RALYL: variants seen among roughly 807,000 people sequenced by gnomAD.
RALYL encodes RNA-binding Raly-like protein.
RALYL carries 29 observed loss-of-function variants against 35.1 expected under a neutral mutation model. The observed-to-expected ratio is 0.83, with a 90% CI of 0.61 to 1.13. The LOEUF (loss-of-function observed/expected upper bound fraction) is 1.13, where lower values mean the gene tolerates loss of function less well. RALYL is among the 50% of genes most tolerant of loss of function. The pLI, the probability that RALYL is intolerant of heterozygous loss-of-function variation, is 0.00. For synonymous variants in RALYL, 120 were observed against 127.6 expected (o/e 0.94, Z 0.40); for missense variants, 359 against 360.4 (o/e 1.00, Z 0.03).
chr8:84,222,363 A>G (rs78620675), intron 1 of RALYL, among the ~76,000 whole-genome samples: 2,825 of 152,262 alleles, frequency 0.019, 96 homozygotes, highest in African/African-American at 0.064. Context: ...TTATTTATGT[A>G]GAAATACATA....
intron 2 of RALYL, 110 bp from the exon 3 acceptor site, chr8:84,774,469 A>G (rs1010672494): frequency 2.8e-6 from 2 of 711,094 alleles, no homozygotes; most frequent in Admixed American, 2.6e-5. Context: ...TCAATGGTGT[A>G]CAATATTTGC....
At chr8:84,613,596 T>C (rs1588508346) in intron 2 of RALYL, among the ~76,000 whole-genome samples, 1 of 151,508 alleles carries the variant, frequency 6.6e-6, no homozygotes, top group East Asian at 1.9e-4. Context: ...TTATCCAAAG[T>C]CACACACTAA....
chr8:84,653,868 T>C (rs1829362596), intron 2 of RALYL, among the ~76,000 whole-genome samples: 1 of 151,822 alleles, frequency 6.6e-6, no homozygotes, highest in African/African-American at 2.4e-5. Flanking sequence ...TAATATTCTC[T>C]AATATAAAGT....
At chr8:84,561,495 G>A (rs1315075508) in intron 2 of RALYL, among the ~76,000 whole-genome samples, 1 of 150,860 alleles carries the variant, frequency 6.6e-6, no homozygotes, top group Admixed American at 6.6e-5. Context: ...TGAGCCGTAT[G>A]CATACTATGT....
intron 8 of RALYL, among the ~76,000 whole-genome samples, chr8:84,888,745 T>C (rs1036130235): frequency 6.6e-6 from 1 of 152,184 alleles, no homozygotes; most frequent in Non-Finnish European, 1.5e-5. Context: ...ATTTTTTGTT[T>C]ATTTATTGAA....
intron 1 of RALYL, chr8:84,346,065 G>T: frequency 2.0e-6 from 2 of 983,450 alleles, no homozygotes; most frequent in Non-Finnish European, 2.4e-6. Context: ...TGGGTTGCTT[G>T]GTTGCTTATA....
At chr8:84,539,374 C>T (rs533161518) in intron 2 of RALYL, among the ~76,000 whole-genome samples, 7 of 152,204 alleles carry the variant, frequency 4.6e-5, no homozygotes, top group Non-Finnish European at 8.8e-5. Context: ...CTGTTTAATG[C>T]CTTCTAAAAA....
At chr8:84,876,612 G>C (rs1187865834) in intron 7 of RALYL, among the ~76,000 whole-genome samples, 1 of 152,142 alleles carries the variant, frequency 6.6e-6, no homozygotes. Context: ...TTACTCCATG[G>C]GTAACTACAT....
chr8:84,480,002 A>G (rs1244184241), intron 1 of RALYL, among the ~76,000 whole-genome samples: 1 of 152,190 alleles, frequency 6.6e-6, no homozygotes, highest in Non-Finnish European at 1.5e-5. Context: ...TTTGATCCAT[A>G]GTAGCATCAT....
intron 1 of RALYL, among the ~76,000 whole-genome samples, chr8:84,498,273 G>T (rs1230775550): frequency 6.6e-6 from 1 of 151,854 alleles, no homozygotes; most frequent in African/African-American, 2.4e-5. Flanking sequence ...CTTGCGAGTT[G>T]TAGACTATCA....
At chr8:84,516,477 A>G (rs2058074842) in intron 1 of RALYL, among the ~76,000 whole-genome samples, 1 of 152,024 alleles carries the variant, frequency 6.6e-6, no homozygotes, top group Non-Finnish European at 1.5e-5. Context: ...TAAGCACTAC[A>G]GTTTGAAGCA....
At chr8:84,423,248 A>G (rs1379085282) in intron 1 of RALYL, among the ~76,000 whole-genome samples, 5 of 151,680 alleles carry the variant, frequency 3.3e-5, no homozygotes, top group Non-Finnish European at 5.9e-5. Flanking sequence ...TTGGGTGCAT[A>G]TATATTTAGG....
At chr8:84,568,072 A>G (rs577365526) in intron 2 of RALYL, among the ~76,000 whole-genome samples, 102 of 151,452 alleles carry the variant, frequency 6.7e-4, no homozygotes, top group African/African-American at 2.0e-3. Context: ...ATTATACTTT[A>G]GGTTATAGGG....
intron 7 of RALYL, among the ~76,000 whole-genome samples, chr8:84,884,934 C>A (rs1842729076): frequency 2.6e-5 from 4 of 152,036 alleles, no homozygotes; most frequent in Admixed American, 2.0e-4. Flanking sequence ...ACAAAAACTT[C>A]TTTTAGGAGG....
chr8:84,448,475 C>T lies in RALYL; in HGVS notation c.-23-80824C>T, dbSNP rs1052967518. Among the ~76,000 whole-genome samples, 6 of 151,982 alleles carry T rather than the reference C, an allele frequency of 3.9e-5. No homozygotes were observed. The East Asian group carries it at 1.2e-3, about 30-fold the overall frequency. On this transcript the variant is annotated intron_variant, in intron 1 of 8. Transcript: ENST00000521268. ...CTCTTGCCTCAATTGCATTTCTGCC[C>T]CCGCCCCCATATAGTGCACCACTTA...
At chr8:84,716,861 A>G (rs1843012605) in intron 2 of RALYL, among the ~76,000 whole-genome samples, 1 of 152,186 alleles carries the variant, frequency 6.6e-6, no homozygotes, top group Non-Finnish European at 1.5e-5. Flanking sequence ...TATGCTTTGA[A>G]ACTTGAGTAT....
intron 2 of RALYL, among the ~76,000 whole-genome samples, chr8:84,734,597 T>C (rs535938877): frequency 6.6e-6 from 1 of 152,278 alleles, no homozygotes; most frequent in South Asian, 2.1e-4. Flanking sequence ...AAATGCATTG[T>C]ACTACCTGGT....
intron 1 of RALYL, among the ~76,000 whole-genome samples, chr8:84,431,656 C>T (rs192374539): frequency 9.2e-5 from 14 of 152,216 alleles, no homozygotes; most frequent in African/African-American, 3.4e-4. Flanking sequence ...CAGAATTTGT[C>T]TTTCTGTCCT....
At position 84,225,826 on chromosome 8, in the gene RALYL, G is replaced by T. The variant is rs543506595; in HGVS notation, c.-24+41402G>T. 2.8e-4 allele frequency among the ~76,000 whole-genome samples: 43 copies of T among 152,246 alleles called. No individual in the cohort carries two copies. The South Asian group carries it at 8.7e-3, about 31-fold the overall frequency. On this transcript the variant is annotated intron_variant, in intron 1 of 8. Transcript: ENST00000521268. ...TCATCTAGAATGAGTACTGCATGAAGACAGAAACTATGTATCTCTTTATTT... is the reference window on the plus strand; with the variant it reads ...TCATCTAGAATGAGTACTGCATGAATACAGAAACTATGTATCTCTTTATTT...
Sources: allele counts gnomAD v4.1 joint callset (sites outside exome capture counted in the v4.1 genomes callset), GRCh38; gene constraint gnomAD v4.1.1; transcripts MANE v1.5; gene names NCBI Gene and HGNC (gene_info 2026-07-23, HGNC 2026-07-21).